The following PLXNC1 variants were observed in gnomAD, a reference collection of about 807,000 sequenced individuals.
The protein encoded by PLXNC1 is plexin-C1.
A neutral mutation model predicts 178.2 loss-of-function variants in PLXNC1; 75 were observed. The ratio of observed to expected loss-of-function variants is 0.42; its 90% CI spans 0.35 to 0.51. The LOEUF (loss-of-function observed/expected upper bound fraction) is 0.51, where lower values mean the gene tolerates loss of function less well. Among genes scored for constraint, PLXNC1 ranks in the 20% least tolerant of loss-of-function variants. The pLI is 0.02. For synonymous variants in PLXNC1, 790 were observed against 779.9 expected, an observed-to-expected ratio of 1.01 and a Z score of -0.22; for missense variants, 1,503 against 1,984.4, an observed-to-expected ratio of 0.76 and a Z score of 4.61.
At chr12:94,288,799 G>C (rs553787988) in intron 23 of PLXNC1, among the ~76,000 whole-genome samples, 107 of 152,306 alleles carry the variant, frequency 7.0e-4, no homozygotes, top group Non-Finnish European at 1.3e-3. Flanking sequence ...GTGGCTGCTG[G>C]GACAGCATGT....
chr12:94,181,121 C>G (rs1962285259), intron 2 of PLXNC1, among the ~76,000 whole-genome samples: 1 of 151,870 alleles, frequency 6.6e-6, no homozygotes, highest in Admixed American at 6.6e-5. Context: ...GAATAGAGGC[C>G]GGAAGTGGTG....
chr12:94,222,486 AC>A (rs1419466616), intron 6 of PLXNC1, among the ~76,000 whole-genome samples: 1 of 152,040 alleles, frequency 6.6e-6, no homozygotes, highest in Non-Finnish European at 1.5e-5. Context: ...TTCTGCTCTG[AC>A]TTTCTCAGCC....
chr12:94,154,387 T>C (rs1347112761), intron 1 of PLXNC1, among the ~76,000 whole-genome samples: 1 of 152,202 alleles, frequency 6.6e-6, no homozygotes, highest in African/African-American at 2.4e-5. Context: ...ATAATCATGA[T>C]GGTGATGATA....
chr12:94,251,668 A>C (rs1321574196), intron 15 of PLXNC1, 140 bp downstream of exon 15: 5 of 667,576 alleles, frequency 7.5e-6, no homozygotes, highest in African/African-American at 3.6e-5. Context: ...TTGAGAAACG[A>C]ATAATAGGTA....
intron 27 of PLXNC1, 81 bp from the exon 28 acceptor site, chr12:94,300,828 AC>A: frequency 1.5e-5 from 20 of 1,327,090 alleles, no homozygotes; most frequent in South Asian, 1.2e-4. Context: ...GGACAAAAAC[AC>A]CCGTTTACAA....
chr12:94,209,231 T>C (rs1963392540), intron 4 of PLXNC1, among the ~76,000 whole-genome samples: 1 of 152,206 alleles, frequency 6.6e-6, no homozygotes, highest in African/African-American at 2.4e-5. Flanking sequence ...CTTGAGCTGT[T>C]CTTTGCTAGG....
chr12:94,262,341 G>T (rs1415108185), intron 20 of PLXNC1, among the ~76,000 whole-genome samples: 3 of 152,226 alleles, frequency 2.0e-5, no homozygotes, highest in Admixed American at 6.5e-5. Context: ...TCCACCAAAT[G>T]ACAGGCGTGT....
chr12:94,239,006 A>G (rs1282016902), intron 10 of PLXNC1, among the ~76,000 whole-genome samples: 2 of 152,234 alleles, frequency 1.3e-5, no homozygotes, highest in Non-Finnish European at 2.9e-5. Flanking sequence ...ACACCTGTGT[A>G]TTCACTGAAA....
Position 94,259,250 on chromosome 12 carries a change from T to A in PLXNC1, c.3088-87T>A, listed in dbSNP as rs554812623. 7 of 982,906 alleles carry A rather than the reference T, an allele frequency of 7.1e-6. No individual in the cohort carries two copies. In the Admixed American group the frequency reaches 1.3e-4, roughly 19 times the overall value. 60.9% of individuals were successfully genotyped at this position (982,906 alleles called of 1,614,324 possible). Reference sequence around the variant, plus strand: ...ATTAGCAAATAGTGTCTCTACTTTATTAAAACGGACTTGGGTATTATAACA... The same window carrying A: ...ATTAGCAAATAGTGTCTCTACTTTAATAAAACGGACTTGGGTATTATAACA... On this transcript the variant is annotated intron_variant, in intron 17 of 30. Transcript: ENST00000258526.
chr12:94,149,341 CT>C lies in PLXNC1; in HGVS notation c.371del (p.Leu124ProfsTer19). ...GGCGGCCGGCCTCGGGGGGCTGCTG[CT>C]CACCGGCTGGACCTTCGACCGGGGC... ...EGAAGLGGLLLTGWTFDRGAC... is the reference protein window; with the variant it reads ...EGAAGLGGLLXTGWTFDRGAC... On this transcript the variant is annotated frameshift_variant, in exon 1 of 31. Coordinates refer to ENST00000258526, the MANE Select transcript of PLXNC1 (RefSeq NM_005761.3). LOFTEE classifies it high-confidence loss of function. The C allele has an allele frequency of 7.0e-7, 1 of 1,438,810 alleles. No individual in the cohort carries two copies. The highest frequency in any genetic ancestry group is 1.4e-5 in the South Asian group (1 of 69,192). 89.1% of individuals were successfully genotyped at this position (1,438,810 alleles called of 1,614,324 possible).
At chr12:94,295,527 CCAGT>C (rs2136207747) in intron 24 of PLXNC1, among the ~76,000 whole-genome samples, 1 of 152,244 alleles carries the variant, frequency 6.6e-6, no homozygotes, top group Admixed American at 6.5e-5. Flanking sequence ...CGTGGGCCCT[CCAGT>C]CAGTCAACAC....
chr12:94,228,248 T>C (rs1814102502), intron 9 of PLXNC1, among the ~76,000 whole-genome samples: 1 of 152,188 alleles, frequency 6.6e-6, no homozygotes, highest in Admixed American at 6.5e-5. Flanking sequence ...ACTTTAGCAG[T>C]CTCTGAGGTC....
At chr12:94,273,645 GTTC>G (rs763881265) in intron 21 of PLXNC1, among the ~76,000 whole-genome samples, 4 of 152,202 alleles carry the variant, frequency 2.6e-5, no homozygotes, top group Non-Finnish European at 2.9e-5. Context: ...ATGCCCCACA[GTTC>G]TTCTACTAGT....
intron 2 of PLXNC1, among the ~76,000 whole-genome samples, chr12:94,170,142 C>T (rs2365736): frequency 0.64 from 97,490 of 152,016 alleles, 31,284 homozygotes; most frequent in South Asian, 0.71. Context: ...GATTTTTAAT[C>T]GAGTAATGGT....
chr12:94,175,138 T>G (rs1351609677), intron 2 of PLXNC1, among the ~76,000 whole-genome samples: 1 of 152,180 alleles, frequency 6.6e-6, no homozygotes, highest in Non-Finnish European at 1.5e-5. Flanking sequence ...TGCACGTGTG[T>G]GTATATGTAT....
intron 4 of PLXNC1, among the ~76,000 whole-genome samples, chr12:94,201,570 G>A (rs1181040970): frequency 1.3e-5 from 2 of 152,044 alleles, no homozygotes; most frequent in African/African-American, 4.8e-5. Context: ...AACACAGAGA[G>A]GGCACATGTC....
chr12:94,193,585 G>C (rs1490347965), intron 4 of PLXNC1, among the ~76,000 whole-genome samples: 1 of 152,214 alleles, frequency 6.6e-6, no homozygotes, highest in Non-Finnish European at 1.5e-5. Flanking sequence ...ATACCCACAT[G>C]TACACTTGAT....
At position 94,260,626 on chromosome 12, in the gene PLXNC1, C is replaced by T; in HGVS notation, c.3252-16C>T. ...GGCCTGCAGCCAATGGTTCACCCAG[C>T]TCTCTTTTTCAACAGGTGTCTGTTT... On this transcript the variant is annotated splice_polypyrimidine_tract_variant and intron_variant, in intron 19 of 30. Coordinates refer to ENST00000258526, the MANE Select transcript of PLXNC1 (RefSeq NM_005761.3). This position sits in a 1 kb window ranked among gnomAD's most constrained non-coding sequence, Gnocchi z 4.4. The T allele has an allele frequency of 6.2e-7, 1 of 1,603,716 alleles. No individual in the cohort carries two copies. The highest frequency in any genetic ancestry group is 8.5e-7 in the Non-Finnish European group (1 of 1,172,316).
intron 2 of PLXNC1, among the ~76,000 whole-genome samples, chr12:94,174,260 C>T (rs1469495955): frequency 5.9e-5 from 9 of 152,088 alleles, no homozygotes; most frequent in Admixed American, 4.6e-4. Flanking sequence ...TCTCGGCTCA[C>T]TACAACCTCT....
Sources: allele counts gnomAD v4.1 joint callset (sites outside exome capture counted in the v4.1 genomes callset), GRCh38; gene constraint gnomAD v4.1.1; non-coding constraint Gnocchi (gnomAD v3.1); transcripts MANE v1.5; gene names NCBI Gene and HGNC (gene_info 2026-07-23, HGNC 2026-07-21).